MICAL2: variants seen among roughly 807,000 people sequenced by gnomAD.
MICAL2 encodes the protein [F-actin]-monooxygenase MICAL2.
MICAL2 carries 77 observed loss-of-function variants against 127.3 expected under a neutral mutation model. That is an observed-to-expected ratio of 0.60 (90% CI 0.50 to 0.73). The LOEUF (loss-of-function observed/expected upper bound fraction) is 0.73, where lower values mean the gene tolerates loss of function less well. Ranked by LOEUF, MICAL2 falls within the 30% of genes least tolerant of loss-of-function variation. MICAL2 has a pLI of 0.00. For missense variants in MICAL2, 1,351 were observed against 1,434.4 expected, an observed-to-expected ratio of 0.94 and a Z score of 0.94; for synonymous variants, 570 against 551.1, an observed-to-expected ratio of 1.03 and a Z score of -0.48.
chr11:12,289,731 G>T (rs1175398699), downstream of MICAL2, among the ~76,000 whole-genome samples: 6 of 151,960 alleles, frequency 3.9e-5, no homozygotes, highest in Non-Finnish European at 7.4e-5. Context: ...ACCATGCCTG[G>T]CTAATTTTTG....
At chr11:12,164,660 T>A (rs762395175) in intron 3 of MICAL2, among the ~76,000 whole-genome samples, 1 of 152,216 alleles carries the variant, frequency 6.6e-6, no homozygotes, top group African/African-American at 2.4e-5. Flanking sequence ...GGAATCTGTC[T>A]CTTCCAGGTC....
At chr11:12,289,945 A>T (rs1418821215), downstream of MICAL2, among the ~76,000 whole-genome samples, 3 of 152,138 alleles carry the variant, frequency 2.0e-5, no homozygotes, top group Non-Finnish European at 4.4e-5. Context: ...CACTTTTTGG[A>T]TGAGGAGACA....
chr11:12,332,637 G>T (rs551930058), intron 32 of MICAL2, among the ~76,000 whole-genome samples: 1 of 152,242 alleles, frequency 6.6e-6, no homozygotes, highest in South Asian at 2.1e-4. Flanking sequence ...AGCCCAAGTT[G>T]CCCTGTTCCC....
chr11:12,182,711 A>G (rs181732045), intron 3 of MICAL2, among the ~76,000 whole-genome samples: 104 of 152,270 alleles, frequency 6.8e-4, no homozygotes, highest in African/African-American at 2.4e-3. Context: ...TAATGCCTCA[A>G]TGGATGGCTA....
At chr11:12,237,672 C>A (rs747769451) in intron 16 of MICAL2, among the ~76,000 whole-genome samples, 2 of 152,104 alleles carry the variant, frequency 1.3e-5, no homozygotes, top group Admixed American at 1.3e-4. Flanking sequence ...CCTGGGGCAA[C>A]GGTTTTGCTT....
chr11:12,292,363 C>G, downstream of MICAL2: 1 of 1,537,442 alleles, frequency 6.5e-7, no homozygotes, highest in South Asian at 1.1e-5. Context: ...TTCCCACCTT[C>G]CACACTTATC....
At chr11:12,236,106 C>T (rs1008619944) in intron 15 of MICAL2, 71 bp from the exon 16 acceptor site, 25 of 1,364,406 alleles carry the variant, frequency 1.8e-5, no homozygotes, top group Non-Finnish European at 2.5e-5. Flanking sequence ...GCCCTATGCC[C>T]TCAGGGATCT....
At chr11:12,213,839 T>C (rs1855817866) in intron 7 of MICAL2, among the ~76,000 whole-genome samples, 1 of 152,172 alleles carries the variant, frequency 6.6e-6, no homozygotes, top group Admixed American at 6.5e-5. Context: ...CTATGGATGG[T>C]TCCTAAAGGT....
intron 29 of MICAL2, among the ~76,000 whole-genome samples, chr11:12,316,780 A>G (rs1864236675): frequency 6.6e-6 from 1 of 152,214 alleles, no homozygotes; most frequent in African/African-American, 2.4e-5. Flanking sequence ...TTAAATAGGC[A>G]GTAAAGAATA....
intron 4 of MICAL2, among the ~76,000 whole-genome samples, chr11:12,207,519 G>A (rs185293627): frequency 5.9e-5 from 9 of 152,284 alleles, no homozygotes; most frequent in African/African-American, 1.9e-4. Context: ...CAGCTTTGTG[G>A]GGAAAATTTC....
chr11:12,297,059 A>G (rs1863994112), downstream of MICAL2, among the ~76,000 whole-genome samples: 1 of 152,138 alleles, frequency 6.6e-6, no homozygotes, highest in Non-Finnish European at 1.5e-5. Flanking sequence ...TATCTTTAGG[A>G]TAAATTCTTA....
intron 3 of MICAL2, among the ~76,000 whole-genome samples, chr11:12,175,223 C>T (rs2133904801): frequency 6.6e-6 from 1 of 152,216 alleles, no homozygotes; most frequent in Admixed American, 6.5e-5. Context: ...CGTCTGTAAT[C>T]CCAGCACTTT....
At chr11:12,317,204 T>C (rs1864242426) in intron 29 of MICAL2, among the ~76,000 whole-genome samples, 1 of 152,198 alleles carries the variant, frequency 6.6e-6, no homozygotes, top group Non-Finnish European at 1.5e-5. Context: ...CTTTCATCTA[T>C]CTTTTCAACT....
intron 3 of MICAL2, among the ~76,000 whole-genome samples, chr11:12,172,418 G>A (rs1856379893): frequency 6.6e-6 from 1 of 152,196 alleles, no homozygotes; most frequent in Non-Finnish European, 1.5e-5. Context: ...TGGGGAAGAC[G>A]ATGATTGAGC....
intron 1 of MICAL2, among the ~76,000 whole-genome samples, chr11:12,135,885 G>T (rs758547525): frequency 6.6e-6 from 1 of 151,426 alleles, no homozygotes; most frequent in Non-Finnish European, 1.5e-5. Flanking sequence ...AGCTGGTCTC[G>T]ATCTATCTCA....
intron 2 of MICAL2, among the ~76,000 whole-genome samples, chr11:12,151,335 C>T (rs1004555857): frequency 1.6e-4 from 25 of 152,038 alleles, no homozygotes; most frequent in East Asian, 1.9e-4. Flanking sequence ...ATGACGGACC[C>T]GGTTGTTATT....
At chr11:12,289,112 C>T (rs1210561149), downstream of MICAL2, among the ~76,000 whole-genome samples, 3 of 152,234 alleles carry the variant, frequency 2.0e-5, no homozygotes, top group Admixed American at 6.5e-5. Context: ...CAGATGACCT[C>T]TAGGATCTAC....
At chr11:12,268,581 C>T (rs1030776465), downstream of MICAL2, among the ~76,000 whole-genome samples, 41 of 152,226 alleles carry the variant, frequency 2.7e-4, no homozygotes, top group African/African-American at 9.4e-4. Flanking sequence ...GGTGGCTCAG[C>T]ATGGCTTTGA....
At chr11:12,306,652 T>C (rs1197581322) in intron 29 of MICAL2, among the ~76,000 whole-genome samples, 2 of 152,236 alleles carry the variant, frequency 1.3e-5, no homozygotes, top group East Asian at 3.8e-4. Context: ...AAAACACTGA[T>C]TTGTTTTCTG....
Sources: gnomAD v4.1 joint callset for allele counts (sites outside exome capture counted in the v4.1 genomes callset) on GRCh38, gnomAD v4.1.1 for gene constraint, MANE v1.5 for transcripts, NCBI Gene and HGNC (gene_info 2026-07-23, HGNC 2026-07-21) for gene names.